ROBO2: variants seen among roughly 807,000 people sequenced by gnomAD.
ROBO2 encodes the protein roundabout homolog 2.
In ROBO2, 53 loss-of-function variants were observed where a neutral mutation model predicts 160.8. The observed-to-expected ratio is 0.33, with a 90% CI of 0.26 to 0.41. ROBO2 has a LOEUF of 0.41. ROBO2 is among the 10% of genes least tolerant of loss of function. The pLI is 1.00. For synonymous variants in ROBO2, 664 were observed against 611.7 expected (o/e 1.09, Z -1.26); for missense variants, 1,577 against 1,722.4 (o/e 0.92, Z 1.49).
chr3:76,564,710 G>A (rs2084405938), intron 2 of ROBO2, among the ~76,000 whole-genome samples: 1 of 152,120 alleles, frequency 6.6e-6, no homozygotes, highest in South Asian at 2.1e-4. Context: ...CACACAGGTG[G>A]GGACAGGCCA....
intron 2 of ROBO2, among the ~76,000 whole-genome samples, chr3:75,968,476 T>C (rs1342106028): frequency 6.6e-6 from 1 of 151,608 alleles, no homozygotes; most frequent in African/African-American, 2.4e-5. Flanking sequence ...TTAGTTTATT[T>C]ACTTATTTTC....
chr3:76,766,517 G>A (rs1382897582), intron 2 of ROBO2, among the ~76,000 whole-genome samples: 1 of 151,614 alleles, frequency 6.6e-6, no homozygotes, highest in African/African-American at 2.4e-5. Flanking sequence ...TTATTCAGAT[G>A]GGAACATCAT....
At chr3:76,335,677 A>C (rs991034309) in intron 2 of ROBO2, among the ~76,000 whole-genome samples, 13 of 151,454 alleles carry the variant, frequency 8.6e-5, no homozygotes, top group Admixed American at 7.2e-4. Context: ...TCCCGGGTTC[A>C]CGCCATTCTC....
At chr3:76,484,489 G>A (rs910036982) in intron 2 of ROBO2, among the ~76,000 whole-genome samples, 1 of 152,098 alleles carries the variant, frequency 6.6e-6, no homozygotes, top group Admixed American at 6.6e-5. Flanking sequence ...TATGCAGCAC[G>A]GAAAGCTCAA....
At chr3:77,029,939 G>A (rs1360569525) in intron 2 of ROBO2, among the ~76,000 whole-genome samples, 1 of 151,560 alleles carries the variant, frequency 6.6e-6, no homozygotes, top group African/African-American at 2.4e-5. Context: ...TCATAAAAAT[G>A]CCATTCAGTT....
intron 2 of ROBO2, among the ~76,000 whole-genome samples, chr3:76,061,962 A>G (rs1234221878): frequency 6.6e-6 from 1 of 152,070 alleles, no homozygotes; most frequent in Admixed American, 6.6e-5. Context: ...CCATAGTCAC[A>G]TCTCCCTCTG....
intron 2 of ROBO2, among the ~76,000 whole-genome samples, chr3:76,367,686 A>G (rs1467106159): frequency 2.6e-5 from 4 of 151,828 alleles, no homozygotes; most frequent in African/African-American, 4.8e-5. Context: ...TTTCCATGAG[A>G]AAAAAAATGC....
intron 2 of ROBO2, among the ~76,000 whole-genome samples, chr3:77,132,747 G>T (rs1295098942): frequency 6.6e-6 from 1 of 151,224 alleles, no homozygotes; most frequent in African/African-American, 2.4e-5. Context: ...GTGTGAAAAT[G>T]TCTACAATAC....
At chr3:76,547,337 C>T (rs1244990939) in intron 2 of ROBO2, among the ~76,000 whole-genome samples, 3 of 151,922 alleles carry the variant, frequency 2.0e-5, no homozygotes, top group East Asian at 1.9e-4. Flanking sequence ...AATTCACTGG[C>T]CCCCTGATAA....
chr3:77,152,654 G>A (rs2077646027), intron 2 of ROBO2, among the ~76,000 whole-genome samples: 1 of 152,198 alleles, frequency 6.6e-6, no homozygotes, highest in South Asian at 2.1e-4. Flanking sequence ...AGATCCCGAA[G>A]TTACTGGATG....
intron 1 of ROBO2, among the ~76,000 whole-genome samples, chr3:75,910,741 G>T (rs1276213501): frequency 1.3e-5 from 2 of 152,142 alleles, no homozygotes; most frequent in Non-Finnish European, 2.9e-5. Flanking sequence ...ATTAAGAATA[G>T]GTAGGAATTG....
chr3:76,322,162 CCGTATATATATATATATATATA>C (rs1409800609), intron 2 of ROBO2, among the ~76,000 whole-genome samples: 1 of 35,378 alleles, frequency 2.8e-5, no homozygotes, highest in Non-Finnish European at 4.8e-5. Context: ...TCTACTTCTT[CCGTATATATATATATATATATA>C]TATATATATA....
chr3:77,580,095 G>C, exon 16 of ROBO2: 2 of 1,613,822 alleles, frequency 1.2e-6, no homozygotes, highest in Non-Finnish European at 1.7e-6. Context: ...GGAGTAAAGA[G>C]TGAGCCACAG....
intron 2 of ROBO2, among the ~76,000 whole-genome samples, chr3:76,798,305 AAAGAAAG>A (rs1560581052): frequency 6.6e-6 from 1 of 151,250 alleles, no homozygotes. Flanking sequence ...AGAAAGAAAG[AAAGAAAG>A]AAAAAAGAAC....
At chr3:77,133,272 A>C (rs1181801989) in intron 2 of ROBO2, among the ~76,000 whole-genome samples, 3 of 152,174 alleles carry the variant, frequency 2.0e-5, no homozygotes, top group African/African-American at 7.2e-5. Context: ...TTGAGAGGGT[A>C]GCGATGAGGC....
At chr3:77,248,166 G>A (rs1341930255) in intron 2 of ROBO2, among the ~76,000 whole-genome samples, 1 of 152,078 alleles carries the variant, frequency 6.6e-6, no homozygotes, top group Admixed American at 6.5e-5. Flanking sequence ...GGGATGGCCC[G>A]ACTCTAGAGG....
At chr3:77,317,096 C>G in intron 2 of ROBO2, 1 of 1,344,576 alleles carries the variant, frequency 7.4e-7, no homozygotes, top group South Asian at 1.2e-5. Flanking sequence ...TAGCCAACTG[C>G]AAAGTTGCTC....
At chr3:77,123,644 C>T (rs1190550963) in intron 2 of ROBO2, among the ~76,000 whole-genome samples, 1 of 150,602 alleles carries the variant, frequency 6.6e-6, no homozygotes, top group Non-Finnish European at 1.5e-5. Context: ...AGAGAGTGGA[C>T]AAGAAAATGA....
intron 2 of ROBO2, among the ~76,000 whole-genome samples, chr3:76,035,189 CT>C (rs34206603): frequency 0.27 from 38,376 of 142,960 alleles, 6,938 homozygotes; most frequent in African/African-American, 0.54. Flanking sequence ...GTAAATATAT[CT>C]TTTTTTTTTT....
Sources: allele counts gnomAD v4.1 joint callset (sites outside exome capture counted in the v4.1 genomes callset), GRCh38; gene constraint gnomAD v4.1.1; transcripts MANE v1.5; gene names NCBI Gene and HGNC (gene_info 2026-07-23, HGNC 2026-07-21).